NME7: variants seen among roughly 807,000 people sequenced by gnomAD.
NME7 encodes NME/NM23 family member 7, also known as nucleoside diphosphate kinase 7.
Under a neutral mutation model 49.1 loss-of-function variants are expected in NME7, and 41 were observed. That is an observed-to-expected ratio of 0.83 (90% CI 0.65 to 1.08). The LOEUF is 1.08. Ranked by LOEUF, NME7 falls within the 50% of genes least tolerant of loss-of-function variation. The pLI, the probability that NME7 is intolerant of heterozygous loss-of-function variation, is 0.00. For missense variants in NME7, 423 were observed against 463.4 expected, an observed-to-expected ratio of 0.91 and a Z score of 0.80; for synonymous variants, 139 against 150.6, an observed-to-expected ratio of 0.92 and a Z score of 0.56.
At chr1:169,352,961 T>C (rs1653234334) in intron 1 of NME7, among the ~76,000 whole-genome samples, 1 of 152,112 alleles carries the variant, frequency 6.6e-6, no homozygotes, top group South Asian at 2.1e-4. Flanking sequence ...ATTGTTAAAA[T>C]GTCCATACTA....
rs572171067 is a variant in NME7 at position 169,278,413 on chromosome 1, CCTTCTCA to C, written c.754+8883_754+8889del. 6.5e-3 allele frequency among the ~76,000 whole-genome samples: 995 copies of C among 152,186 alleles called. 33 individuals are homozygous for C. The highest frequency in any genetic ancestry group is 0.054 in the Admixed American group (821 of 15,276). ...TTTTATTCTTTTCTCTCTAAACTTC[CCTTCTCA>C]CTTCATTTCATTCATTTCATCTTCC... On this transcript the variant is annotated intron_variant, in intron 7 of 11. Transcript: ENST00000367811.
At chr1:169,350,113 A>G (rs1029835694) in intron 1 of NME7, among the ~76,000 whole-genome samples, 6 of 151,744 alleles carry the variant, frequency 4.0e-5, no homozygotes, top group African/African-American at 1.5e-4. Flanking sequence ...AATCACTTGA[A>G]CCTGGAAGGT....
intron 1 of NME7, among the ~76,000 whole-genome samples, chr1:169,337,334 C>T (rs889628688): frequency 6.6e-6 from 1 of 152,214 alleles, no homozygotes; most frequent in Non-Finnish European, 1.5e-5. Context: ...CTAAGTCCCT[C>T]ATTGCCCAGG....
chr1:169,191,447 C>A (rs976149783), intron 10 of NME7, among the ~76,000 whole-genome samples: 1 of 152,112 alleles, frequency 6.6e-6, no homozygotes, highest in Non-Finnish European at 1.5e-5. Flanking sequence ...AAATGTGATA[C>A]CTATAGAATC....
At chr1:169,299,271 TAA>T (rs3835448) in intron 5 of NME7, among the ~76,000 whole-genome samples, 15 of 148,366 alleles carry the variant, frequency 1.0e-4, no homozygotes, top group East Asian at 7.8e-4. Context: ...GGTTTGGTGA[TAA>T]AAAAAAAAAT....
intron 11 of NME7, among the ~76,000 whole-genome samples, chr1:169,146,876 G>A (rs528951660): frequency 6.6e-6 from 1 of 152,310 alleles, no homozygotes; most frequent in African/African-American, 2.4e-5. Flanking sequence ...GGACAATGGG[G>A]ACAAAGAGGA....
intron 7 of NME7, among the ~76,000 whole-genome samples, chr1:169,274,282 T>A (rs1649610643): frequency 7.5e-6 from 1 of 133,930 alleles, no homozygotes; most frequent in South Asian, 2.3e-4. Flanking sequence ...AAGTGTCTGT[T>A]CATATTCTTT....
intron 10 of NME7, among the ~76,000 whole-genome samples, chr1:169,224,840 TAGAC>T (rs1213743078): frequency 8.5e-5 from 13 of 152,138 alleles, no homozygotes; most frequent in African/African-American, 2.7e-4. Flanking sequence ...TTTCAGGAAG[TAGAC>T]AGACGGTAAA....
chr1:169,246,804 C>T (rs1235533482), intron 7 of NME7, among the ~76,000 whole-genome samples: 3 of 152,102 alleles, frequency 2.0e-5, no homozygotes, highest in Non-Finnish European at 4.4e-5. Context: ...GTATCAAACT[C>T]CTGGCCTGAA....
chr1:169,230,620 T>C (rs550356774), intron 10 of NME7, 98 bp downstream of exon 10: 26 of 548,912 alleles, frequency 4.7e-5, no homozygotes, highest in Admixed American at 1.2e-4. Flanking sequence ...TATTCATTTT[T>C]ACATTATTTA....
At chr1:169,311,351 G>T (rs575328345) in intron 3 of NME7, among the ~76,000 whole-genome samples, 1 of 148,322 alleles carries the variant, frequency 6.7e-6, no homozygotes, top group Admixed American at 6.8e-5. Context: ...CCCGGGGGTC[G>T]GAGCCTGCAG....
chr1:169,178,843 CAG>C, intron 10 of NME7, among the ~76,000 whole-genome samples: 1 of 77,758 alleles, frequency 1.3e-5, no homozygotes, highest in African/African-American at 4.0e-5. Flanking sequence ...TTTTTTGAGA[CAG>C]AGTCTTGCTC....
intron 3 of NME7, among the ~76,000 whole-genome samples, chr1:169,317,021 A>T (rs1651655888): frequency 6.6e-6 from 1 of 152,166 alleles, no homozygotes; most frequent in Admixed American, 6.5e-5. Flanking sequence ...ACAGGAAAAC[A>T]GTAAAATAGA....
Position 169,258,744 on chromosome 1 carries a change from G to T in NME7, c.755-21057C>A, listed in dbSNP as rs370635152. ...CATATACTATATACACTGAATATGG[G>T]CCTCCATTTTCTTCTGTTATTCCCC... is the stretch of plus-strand genomic sequence containing the variant. On this transcript the variant is annotated intron_variant, in intron 7 of 11. Transcript: ENST00000367811. Among the ~76,000 whole-genome samples, 27 of 132,708 alleles carry T rather than the reference G, an allele frequency of 2.0e-4. 3 individuals are homozygous for T. In the South Asian group the frequency reaches 3.0e-3, roughly 15 times the overall value. 87.1% of individuals were successfully genotyped at this position (132,708 alleles called of 152,430 possible).
intron 10 of NME7, among the ~76,000 whole-genome samples, chr1:169,195,107 T>A (rs1209750131): frequency 6.6e-6 from 1 of 152,222 alleles, no homozygotes; most frequent in Non-Finnish European, 1.5e-5. Context: ...TTTGGAAATA[T>A]ATTCTTGACA....
intron 10 of NME7, among the ~76,000 whole-genome samples, chr1:169,214,358 GAAACATGACTAT>G (rs1445093509): frequency 6.6e-6 from 1 of 152,190 alleles, no homozygotes. Flanking sequence ...AGCCTTGTTT[GAAACATGACTAT>G]AGAACCCGTG....
rs968461237 is a variant in NME7 at position 169,164,693 on chromosome 1, C to T, written c.1098+4754G>A. Among the ~76,000 whole-genome samples the T allele has an allele frequency of 5.3e-5, 8 of 152,284 alleles. No individual in the cohort carries two copies. In the East Asian group the frequency reaches 9.6e-4, roughly 18 times the overall value. ...AGGTAAGGTGGGATGTATCTGTAAACATGCGTATTATTTCCATTGTTAATG... is the reference window on the plus strand; with the variant it reads ...AGGTAAGGTGGGATGTATCTGTAAATATGCGTATTATTTCCATTGTTAATG... On this transcript the variant is annotated intron_variant, in intron 11 of 11. Transcript: ENST00000367811.
intron 1 of NME7, among the ~76,000 whole-genome samples, chr1:169,340,564 T>C (rs1039390629): frequency 2.6e-5 from 4 of 152,164 alleles, no homozygotes; most frequent in African/African-American, 9.7e-5. Context: ...AGGCAGGGGT[T>C]GGAAAAGTTT....
chr1:169,141,028 A>G (rs1309776613), intron 11 of NME7, among the ~76,000 whole-genome samples: 1 of 152,198 alleles, frequency 6.6e-6, no homozygotes, highest in Admixed American at 6.5e-5. Context: ...GTGCTCAATA[A>G]ACATTAACCC....
Sources: gnomAD v4.1 joint callset for allele counts (sites outside exome capture counted in the v4.1 genomes callset) on GRCh38, gnomAD v4.1.1 for gene constraint, MANE v1.5 for transcripts, NCBI Gene and HGNC (gene_info 2026-07-23, HGNC 2026-07-21) for gene names.